Variants in CNTNAP2 observed in about 807,000 individuals in gnomAD.
CNTNAP2 encodes the protein contactin associated protein 2.
CNTNAP2 carries 98 observed loss-of-function variants against 155.2 expected under a neutral mutation model. The ratio of observed to expected loss-of-function variants is 0.63; its 90% CI spans 0.54 to 0.75. The LOEUF (loss-of-function observed/expected upper bound fraction) is 0.75. CNTNAP2 is among the 30% of genes least tolerant of loss of function. The pLI, the probability that CNTNAP2 is intolerant of heterozygous loss-of-function variation, is 0.00. For synonymous variants in CNTNAP2, 651 were observed against 631.2 expected, an observed-to-expected ratio of 1.03 and a Z score of -0.47; for missense variants, 1,727 against 1,688.1, an observed-to-expected ratio of 1.02 and a Z score of -0.40.
intron 13 of CNTNAP2, among the ~76,000 whole-genome samples, chr7:147,716,528 C>T (rs564229319): frequency 8.5e-5 from 13 of 152,198 alleles, no homozygotes; most frequent in Middle Eastern, 3.4e-3. Flanking sequence ...TCTGCCTGAG[C>T]TGAGCCATGT....
chr7:146,646,620 A>G (rs1040346409), intron 1 of CNTNAP2, among the ~76,000 whole-genome samples: 8 of 152,180 alleles, frequency 5.3e-5, no homozygotes, highest in African/African-American at 1.9e-4. Flanking sequence ...CTGTTGGTGG[A>G]CATATTCTCA....
At chr7:146,960,080 G>A (rs1797525165) in intron 3 of CNTNAP2, among the ~76,000 whole-genome samples, 1 of 152,100 alleles carries the variant, frequency 6.6e-6, no homozygotes, top group Admixed American at 6.6e-5. Context: ...CGCCAGTCTT[G>A]CAGGCCACAC....
intron 1 of CNTNAP2, among the ~76,000 whole-genome samples, chr7:146,392,016 A>G (rs966733339): frequency 6.6e-6 from 1 of 152,172 alleles, no homozygotes; most frequent in African/African-American, 2.4e-5. Context: ...ATTCATACCA[A>G]TTTAATTGCT....
intron 1 of CNTNAP2, among the ~76,000 whole-genome samples, chr7:146,660,928 A>G (rs1436251116): frequency 2.0e-5 from 3 of 152,150 alleles, no homozygotes; most frequent in African/African-American, 7.2e-5. Context: ...GAGGCGGGGA[A>G]TGTGGAAGGA....
At chr7:147,236,050 T>C (rs949967279) in intron 8 of CNTNAP2, among the ~76,000 whole-genome samples, 1 of 152,194 alleles carries the variant, frequency 6.6e-6, no homozygotes, top group Non-Finnish European at 1.5e-5. Flanking sequence ...CCCATTGTCT[T>C]TGATATACTT....
intron 1 of CNTNAP2, among the ~76,000 whole-genome samples, chr7:146,652,954 T>G (rs1799941621): frequency 6.6e-6 from 1 of 152,146 alleles, no homozygotes; most frequent in African/African-American, 2.4e-5. Context: ...ACCAATATGG[T>G]TGAAAAAGCC....
intron 14 of CNTNAP2, among the ~76,000 whole-genome samples, chr7:147,961,936 GGAAA>G (rs1353780107): frequency 6.6e-6 from 1 of 152,008 alleles, no homozygotes; most frequent in Non-Finnish European, 1.5e-5. Context: ...TGCAATACTA[GGAAA>G]GAAAGAGAAT....
intron 13 of CNTNAP2, among the ~76,000 whole-genome samples, chr7:147,776,993 G>A (rs931447474): frequency 6.6e-6 from 1 of 151,760 alleles, no homozygotes; most frequent in African/African-American, 2.4e-5. Context: ...CTCAAAAAAA[G>A]ACAAGGACTT....
chr7:148,119,399 G>C (rs183699141), intron 16 of CNTNAP2, among the ~76,000 whole-genome samples: 2 of 151,832 alleles, frequency 1.3e-5, no homozygotes, highest in South Asian at 4.2e-4. Context: ...GTGTGGTGGC[G>C]GGGGCGCCTG....
chr7:146,210,837 A>AT (rs11370431), intron 1 of CNTNAP2, among the ~76,000 whole-genome samples: 43,313 of 145,088 alleles, frequency 0.3, 7,051 homozygotes, highest in African/African-American at 0.45. Context: ...AGACTACTTC[A>AT]TTTTTTTTTT....
chr7:147,716,944 T>C (rs1184528902), intron 13 of CNTNAP2, among the ~76,000 whole-genome samples: 1 of 152,144 alleles, frequency 6.6e-6, no homozygotes, highest in Non-Finnish European at 1.5e-5. Flanking sequence ...AGGTGAACTT[T>C]ACATTGATAC....
intron 13 of CNTNAP2, among the ~76,000 whole-genome samples, chr7:147,854,006 C>T (rs552523367): frequency 6.6e-6 from 1 of 152,246 alleles, no homozygotes; most frequent in Non-Finnish European, 1.5e-5. Flanking sequence ...TCAGAGAGAA[C>T]AATTCAAGCT....
Position 146,509,115 on chromosome 7 carries a change from G to A in CNTNAP2, c.98-265156G>A, listed in dbSNP as rs567015058. Among the ~76,000 whole-genome samples the A allele has an allele frequency of 2.6e-5, 4 of 152,276 alleles. No homozygotes were observed. The South Asian group carries it at 6.2e-4, about 24-fold the overall frequency. ...TGGGAGGTAAGGTGTTCATCATCTGGCCCTCGGGTATTCGGATCAAACATA... is the reference window on the plus strand; with the variant it reads ...TGGGAGGTAAGGTGTTCATCATCTGACCCTCGGGTATTCGGATCAAACATA... On this transcript the variant is annotated intron_variant, in intron 1 of 23. Transcript: ENST00000361727.
chr7:147,788,183 A>G (rs1020722134), intron 13 of CNTNAP2, among the ~76,000 whole-genome samples: 3 of 152,240 alleles, frequency 2.0e-5, no homozygotes, highest in African/African-American at 7.2e-5. Context: ...TAAGAGACTC[A>G]CAACTAAATG....
At chr7:147,804,374 A>G (rs1798056689) in intron 13 of CNTNAP2, among the ~76,000 whole-genome samples, 1 of 151,852 alleles carries the variant, frequency 6.6e-6, no homozygotes, top group African/African-American at 2.4e-5. Context: ...ATTCTGTACC[A>G]CTCCCTGGTG....
At chr7:147,698,111 A>G (rs932011559) in intron 13 of CNTNAP2, among the ~76,000 whole-genome samples, 5 of 152,236 alleles carry the variant, frequency 3.3e-5, no homozygotes, top group East Asian at 1.9e-4. Context: ...CCACCTGTCT[A>G]TCTCTCCAAT....
chr7:147,734,824 C>T (rs1395975922), intron 13 of CNTNAP2, among the ~76,000 whole-genome samples: 1 of 152,194 alleles, frequency 6.6e-6, no homozygotes, highest in Admixed American at 6.5e-5. Flanking sequence ...ATAGTATTCT[C>T]TGATGGTAGT....
chr7:147,084,457 A>G (rs1800225684), intron 4 of CNTNAP2, among the ~76,000 whole-genome samples: 1 of 140,916 alleles, frequency 7.1e-6, no homozygotes, highest in South Asian at 2.2e-4. Flanking sequence ...TATATGCATA[A>G]TGCTATATAT....
intron 1 of CNTNAP2, among the ~76,000 whole-genome samples, chr7:146,623,167 G>A (rs927708851): frequency 6.6e-6 from 1 of 152,074 alleles, no homozygotes; most frequent in Non-Finnish European, 1.5e-5. Flanking sequence ...AGTTGCCTAG[G>A]TTAGCATCAC....
Sources: allele counts gnomAD v4.1 joint callset (sites outside exome capture counted in the v4.1 genomes callset), GRCh38; gene constraint gnomAD v4.1.1; transcripts MANE v1.5; gene names NCBI Gene and HGNC (gene_info 2026-07-23, HGNC 2026-07-21).